Variants in ANKDD1B observed in about 807,000 individuals in gnomAD.
ANKDD1B encodes the protein ankyrin repeat and death domain containing 1B.
A neutral mutation model predicts 59.7 loss-of-function variants in ANKDD1B; 57 were observed. The ratio of observed to expected loss-of-function variants is 0.95; its 90% confidence interval spans 0.77 to 1.19. The LOEUF is 1.19. ANKDD1B is among the 50% of genes most tolerant of loss of function. ANKDD1B has a pLI of 0.00. For synonymous variants in ANKDD1B, 216 were observed against 239.5 expected, an observed-to-expected ratio of 0.90 and a Z score of 0.91; for missense variants, 602 against 641.9, an observed-to-expected ratio of 0.94 and a Z score of 0.67.
At chr5:75,614,844 A>T (rs1773672551) in intron 1 of ANKDD1B, among the ~76,000 whole-genome samples, 1 of 152,218 alleles carries the variant, frequency 6.6e-6, no homozygotes, top group Admixed American at 6.5e-5. Flanking sequence ...TCAGGTACAG[A>T]AACAAAGCAA....
At chr5:75,641,682 A>C (rs1774467459) in intron 7 of ANKDD1B, among the ~76,000 whole-genome samples, 1 of 152,244 alleles carries the variant, frequency 6.6e-6, no homozygotes, top group African/African-American at 2.4e-5. Flanking sequence ...CTTTTCAACA[A>C]GTACAAATTT....
At chr5:75,637,941 T>C (rs1774360423) in intron 7 of ANKDD1B, among the ~76,000 whole-genome samples, 1 of 152,196 alleles carries the variant, frequency 6.6e-6, no homozygotes, top group Admixed American at 6.5e-5. Flanking sequence ...TGATACCCAT[T>C]CCAATGTAAT....
At chr5:75,637,027 A>G (rs1774325917) in intron 7 of ANKDD1B, among the ~76,000 whole-genome samples, 1 of 151,920 alleles carries the variant, frequency 6.6e-6, no homozygotes, top group Admixed American at 6.6e-5. Flanking sequence ...TAGGCGGATC[A>G]TCTGAGGTCA....
rs1775321543 is a variant in ANKDD1B at position 75,666,921 on chromosome 5, G to A, written c.1321G>A (p.Glu441Lys). ...DLAYHQLKAN[E>K]WQRLARSWNF... The stretch of plus-strand genomic sequence containing the variant: ...GGCTTACCATCAGCTGAAGGCCAAT[G>A]AGTGGCAGAGGCTGGCCCGTTCGTG... Residue 441 changes from glutamate (E) to lysine (K), a missense_variant, in exon 12 of 14, where the codon GAG becomes AAG. Coordinates refer to ENST00000601380, the MANE Select transcript of ANKDD1B (RefSeq NM_001276713.2). 2 of 1,530,936 alleles carry A rather than the reference G, an allele frequency of 1.3e-6. No homozygotes were observed. The highest frequency in any genetic ancestry group is 2.0e-5 in the Admixed American group (1 of 49,890). The allele number at this position is 1,530,936 out of a possible 1,614,324, so 94.8% of individuals were successfully genotyped here. A position where few individuals can be genotyped will look rare whatever the true frequency, so the allele number is the denominator to read the frequency against.
At chr5:75,655,829 G>T (rs1041536053) in intron 8 of ANKDD1B, among the ~76,000 whole-genome samples, 200 bp from the exon 9 acceptor site, 2 of 152,170 alleles carry the variant, frequency 1.3e-5, no homozygotes, top group African/African-American at 4.8e-5. Flanking sequence ...AAAGGGGGTG[G>T]GCCGATTGCT....
At chr5:75,660,277 C>T (rs1775096913) in intron 10 of ANKDD1B, among the ~76,000 whole-genome samples, 1 of 152,176 alleles carries the variant, frequency 6.6e-6, no homozygotes, top group South Asian at 2.1e-4. Flanking sequence ...CCCCTGGGAA[C>T]CACCATTCTA....
intron 1 of ANKDD1B, among the ~76,000 whole-genome samples, chr5:75,612,999 A>G (rs1773611878): frequency 6.6e-6 from 1 of 152,236 alleles, no homozygotes; most frequent in African/African-American, 2.4e-5. Flanking sequence ...CCAGACCTCT[A>G]GAGAAGAACA....
At chr5:75,632,157 T>C (rs1407432097) in intron 5 of ANKDD1B, among the ~76,000 whole-genome samples, 1 of 150,966 alleles carries the variant, frequency 6.6e-6, no homozygotes, top group African/African-American at 2.4e-5. Context: ...TTGGTGGACA[T>C]TGAAGTTGCT....
At chr5:75,622,777 G>T (rs1279255019) in intron 3 of ANKDD1B, among the ~76,000 whole-genome samples, 1 of 152,210 alleles carries the variant, frequency 6.6e-6, no homozygotes, top group East Asian at 1.9e-4. Flanking sequence ...TGTGACACAT[G>T]GTCTTAAGTA....
chr5:75,664,832 A>T (rs1775264516), intron 11 of ANKDD1B, among the ~76,000 whole-genome samples: 2 of 152,218 alleles, frequency 1.3e-5, no homozygotes, highest in African/African-American at 4.8e-5. Flanking sequence ...CAGAAATGGT[A>T]AGAGTTGTTA....
chr5:75,611,629 G>C lies in ANKDD1B; in HGVS notation c.-6G>C. On this transcript the variant is annotated 5_prime_UTR_variant, in exon 1 of 14. Coordinates refer to ENST00000601380, the MANE Select transcript of ANKDD1B (RefSeq NM_001276713.2). Reference sequence around the variant, plus strand: ...GGCCCTGCGCTCAGGGCCCGCGGAGGAGACTATGGACCCCGCCGGGCGCGC... The same window carrying C: ...GGCCCTGCGCTCAGGGCCCGCGGAGCAGACTATGGACCCCGCCGGGCGCGC... The C allele has an allele frequency of 8.1e-7, 1 of 1,231,416 alleles. No individual in the cohort carries two copies. The highest frequency in any genetic ancestry group is 3.2e-5 in the East Asian group (1 of 31,630). The allele number at this position is 1,231,416 out of a possible 1,614,324, so 76.3% of individuals were successfully genotyped here. A position where few individuals can be genotyped will look rare whatever the true frequency, so the allele number is the denominator to read the frequency against.
At chr5:75,665,771 T>C (rs545363722) in intron 11 of ANKDD1B, among the ~76,000 whole-genome samples, 1 of 152,158 alleles carries the variant, frequency 6.6e-6, no homozygotes, top group Admixed American at 6.5e-5. Flanking sequence ...GAAGGATCCA[T>C]GGTGGGGGCC....
rs548132366 is a variant in ANKDD1B at position 75,625,066 on chromosome 5, G to T, written c.397-581G>T. Among the ~76,000 whole-genome samples, 3 of 152,162 alleles carry T rather than the reference G, an allele frequency of 2.0e-5. No homozygotes were observed. In the South Asian group the frequency reaches 6.2e-4, roughly 32 times the overall value. ...TACAATTACTATCCTTATATATATAGAATTAGGTACTGACATTTTTATTTT... is the reference window on the plus strand; with the variant it reads ...TACAATTACTATCCTTATATATATATAATTAGGTACTGACATTTTTATTTT... On this transcript the variant is annotated intron_variant, in intron 3 of 13. Transcript: ENST00000601380.
intron 3 of ANKDD1B, among the ~76,000 whole-genome samples, chr5:75,622,415 T>C (rs1773873293): frequency 6.6e-6 from 1 of 152,154 alleles, no homozygotes; most frequent in Admixed American, 6.5e-5. Context: ...GCCTACAGTC[T>C]ATCTGGGGAG....
intron 7 of ANKDD1B, among the ~76,000 whole-genome samples, chr5:75,644,405 C>T (rs1415090463): frequency 1.0e-5 from 1 of 96,774 alleles, no homozygotes; most frequent in Non-Finnish European, 1.8e-5. Flanking sequence ...GGAGGAAGAT[C>T]TACCAAGCCA....
chr5:75,667,380 G>A (rs542983450), intron 12 of ANKDD1B, among the ~76,000 whole-genome samples: 1 of 152,306 alleles, frequency 6.6e-6, no homozygotes, highest in East Asian at 1.9e-4. Flanking sequence ...CTGTCCTGGG[G>A]TGAATGGGTT....
In ANKDD1B at chr5:75,666,847, A is replaced by G; in HGVS notation, c.1247A>G (p.Gln416Arg). The stretch of plus-strand genomic sequence containing the variant: ...ACAGGCTTTACTCTGACATTCAAGC[A>G]AGATCACAGTCTGGAGACCAGACAC... ...PSTGFTLTFK[Q>R]DHSLETRHIR... Residue 416 changes from glutamine (Q) to arginine (R), a missense_variant, in exon 12 of 14, where the codon CAA becomes CGA. This residue lies in a region of ANKDD1B where 280 missense variants were observed against 319.8 expected (regional missense o/e 0.88). Coordinates refer to ENST00000601380, the MANE Select transcript of ANKDD1B (RefSeq NM_001276713.2). 1 of 1,536,100 alleles carries G rather than the reference A, an allele frequency of 6.5e-7. No individual in the cohort carries two copies. The highest frequency in any genetic ancestry group is 8.7e-7 in the Non-Finnish European group (1 of 1,146,888).
In ANKDD1B at chr5:75,634,825, G is replaced by A; in HGVS notation, c.601-73G>A. 13 of 961,648 alleles carry A rather than the reference G, an allele frequency of 1.4e-5. No homozygotes were observed. In the Admixed American group the frequency reaches 1.5e-4, roughly 11 times the overall value. 59.6% of individuals were successfully genotyped at this position (961,648 alleles called of 1,614,324 possible). ...GACTCCCCATCATCCTTGAAATGTC[G>A]CTAGCTTTGTCCATTGTCTTGCTTG... On this transcript the variant is annotated intron_variant, in intron 5 of 13. Transcript: ENST00000601380.
intron 7 of ANKDD1B, among the ~76,000 whole-genome samples, chr5:75,649,986 T>G (rs1371983453): frequency 6.6e-6 from 1 of 152,214 alleles, no homozygotes; most frequent in Admixed American, 6.5e-5. Context: ...GTGCTCAATA[T>G]ATTTTTTGTG....
Sources: gnomAD v4.1 joint callset for allele counts (sites outside exome capture counted in the v4.1 genomes callset) on GRCh38, gnomAD v4.1.1 for gene constraint, gnomAD v4.1.1 regional missense constraint, MANE v1.5 for transcripts, NCBI Gene and HGNC (gene_info 2026-07-23, HGNC 2026-07-21) for gene names.